The following ABCC8 variants were observed in gnomAD, a reference collection of about 807,000 sequenced individuals.
ABCC8 encodes ATP binding cassette subfamily C member 8, also known as ATP-binding cassette sub-family C member 8.
A neutral mutation model predicts 188.0 loss-of-function variants in ABCC8; 137 were observed. That is an observed-to-expected ratio of 0.73 (90% CI 0.63 to 0.84). The LOEUF (loss-of-function observed/expected upper bound fraction) is 0.84, where lower values mean the gene tolerates loss of function less well. Among genes scored for constraint, ABCC8 ranks in the 40% least tolerant of loss-of-function variants. The pLI, the probability that ABCC8 is intolerant of heterozygous loss-of-function variation, is 0.00. For synonymous variants in ABCC8, 797 were observed against 846.5 expected (o/e 0.94, Z 1.01); for missense variants, 1,750 against 2,072.7 (o/e 0.84, Z 3.02).
intron 3 of ABCC8, among the ~76,000 whole-genome samples, chr11:17,466,269 G>A (rs1848139705): frequency 6.6e-6 from 1 of 151,912 alleles, no homozygotes; most frequent in African/African-American, 2.4e-5. Flanking sequence ...CGTGGTGGCA[G>A]GTACCTATAG....
chr11:17,475,874 C>T (rs1470878596), intron 1 of ABCC8, among the ~76,000 whole-genome samples: 7 of 152,166 alleles, frequency 4.6e-5, no homozygotes, highest in Non-Finnish European at 1.0e-4. Flanking sequence ...CTGGAAGAGT[C>T]AAGGTCTTGG....
intron 6 of ABCC8, among the ~76,000 whole-genome samples, chr11:17,458,410 A>C (rs1304378600): frequency 6.6e-6 from 1 of 152,254 alleles, no homozygotes; most frequent in Non-Finnish European, 1.5e-5. Flanking sequence ...TCTCTTTGGC[A>C]CGTCCTGCCT....
intron 2 of ABCC8, among the ~76,000 whole-genome samples, chr11:17,473,375 A>C (rs1848582760): frequency 6.6e-6 from 1 of 152,128 alleles, no homozygotes. Flanking sequence ...GCTGCCTCCA[A>C]GTCAAGCAGG....
chr11:17,397,829 C>T, intron 30 of ABCC8, 32 bp from the exon 31 acceptor site: 1 of 1,611,586 alleles, frequency 6.2e-7, no homozygotes, highest in East Asian at 2.2e-5. Context: ...CCTGGGCGCT[C>T]AGGGGTTAGA....
chr11:17,393,713 G>C lies in ABCC8; in HGVS notation c.4592C>G (p.Thr1531Ser). 1 of 1,614,252 alleles carries C rather than the reference G, an allele frequency of 6.2e-7. No homozygotes were observed. The highest frequency in any genetic ancestry group is 8.5e-7 in the Non-Finnish European group (1 of 1,180,026). The change falls in exon 38 of 39, where the codon ACT becomes AGT. Residue 1531 changes from threonine to serine, a missense_variant. Transcript: ENST00000389817. ...GCCCCTTACCGCGATGGTGACCACA[G>C]TGCGGTCTGCGAAGGCTGTCATCAC... ...KVVMTAFADRTVVTIAHRVHT... is the reference protein window; with the variant it reads ...KVVMTAFADRSVVTIAHRVHT...
chr11:17,398,007 C>A (rs756962284), intron 30 of ABCC8: 9 of 580,626 alleles, frequency 1.6e-5, no homozygotes, highest in African/African-American at 6.1e-5. Flanking sequence ...TCCCCTACCC[C>A]CTAGCCCCTG....
chr11:17,460,346 TG>T, intron 6 of ABCC8, 141 bp downstream of exon 6: 1 of 1,306,264 alleles, frequency 7.7e-7, no homozygotes, highest in Non-Finnish European at 1.1e-6. Flanking sequence ...TATTCTGTGG[TG>T]GGGATACTGC....
intron 8 of ABCC8, chr11:17,444,198 C>G (rs1956434518): frequency 6.6e-6 from 1 of 152,320 alleles, no homozygotes; most frequent in African/African-American, 2.4e-5. Flanking sequence ...TGGGAAGTGG[C>G]CCCTTCACCA....
rs1378258469 is a variant in ABCC8 at position 17,461,754 on chromosome 11, G to A, written c.651C>T (p.Phe217=). 1.2e-6 allele frequency: 2 copies of A among 1,614,064 alleles called. No individual in the cohort carries two copies. Among genetic ancestry groups the A allele is most frequent in the Admixed American group, 1.7e-5 (1 of 60,006 alleles). ...ACAGCAGATTCACGAAGGGCTGCAGGAAGCGTACCCCCAGGTCTTGCAGGT... is the reference window on the plus strand; with the variant it reads ...ACAGCAGATTCACGAAGGGCTGCAGAAAGCGTACCCCCAGGTCTTGCAGGT... ...PEDLQDLGVR[F]LQPFVNLLSK... is the part of the protein sequence containing the mutation. The change falls in exon 5 of 39, where the codon TTC becomes TTT. Residue 217 remains phenylalanine, a synonymous_variant. Transcript: ENST00000389817.
intron 19 of ABCC8, among the ~76,000 whole-genome samples, chr11:17,413,861 C>A (rs1467386525): frequency 1.3e-5 from 2 of 152,146 alleles, no homozygotes; most frequent in Admixed American, 6.5e-5. Flanking sequence ...ATTTGCCCAG[C>A]CTGTTCCTCT....
At chr11:17,446,524 C>T (rs79376839) in intron 8 of ABCC8, among the ~76,000 whole-genome samples, 318 of 152,300 alleles carry the variant, frequency 2.1e-3, no homozygotes, top group African/African-American at 7.4e-3. Flanking sequence ...AGCCATCCTC[C>T]TACCTCAGCC....
intron 19 of ABCC8, 29 bp from the exon 20 acceptor site, chr11:17,413,507 C>G (rs1286332554): frequency 1.4e-5 from 22 of 1,612,926 alleles, no homozygotes; most frequent in Non-Finnish European, 1.9e-5. Context: ...GGGGATGCAG[C>G]TGGTCAGCCT....
At chr11:17,458,626 C>T (rs1245457121) in intron 6 of ABCC8, among the ~76,000 whole-genome samples, 2 of 152,182 alleles carry the variant, frequency 1.3e-5, no homozygotes, top group Non-Finnish European at 2.9e-5. Flanking sequence ...CTCCTGTAGA[C>T]AAGAGAAGCA....
At position 17,443,282 on chromosome 11, in the gene ABCC8, T is replaced by C. The variant is rs1238075497; in HGVS notation, c.1363A>G (p.Ile455Val). 5 of 1,613,844 alleles carry C rather than the reference T, an allele frequency of 3.1e-6. No homozygotes were observed. Among genetic ancestry groups the C allele is most frequent in the Admixed American group, 1.7e-5 (1 of 59,968 alleles). The stretch of plus-strand genomic sequence containing the variant: ...CCAATTAAGGCACTGACTCCGAGTA[T>C]GTAGTAGAGGAGAATCACACCCACA... Reference protein sequence around the residue: ...IIVGVILLYYILGVSALIGAA... With the variant: ...IIVGVILLYYVLGVSALIGAA... The change falls in exon 9 of 39, where the codon ATA becomes GTA. Residue 455 changes from isoleucine (I) to valine (V), a missense_variant. By Grantham distance (29) the Ile-to-Val change is conservative (BLOSUM62 3). Coordinates refer to ENST00000389817, the MANE Select transcript of ABCC8 (RefSeq NM_000352.6).
At chr11:17,398,526 C>T (rs1954063473) in intron 29 of ABCC8, 85 bp from the exon 30 acceptor site, 4 of 1,582,808 alleles carry the variant, frequency 2.5e-6, no homozygotes, top group South Asian at 1.1e-5. Flanking sequence ...AGGGAGGCTC[C>T]AGGGCCCCTC....
intron 1 of ABCC8, among the ~76,000 whole-genome samples, chr11:17,475,746 T>C (rs371643193): frequency 1.3e-5 from 2 of 152,258 alleles, no homozygotes; most frequent in Non-Finnish European, 2.9e-5. Flanking sequence ...TTTGTGACAA[T>C]CTTTCCTTTC....
intron 21 of ABCC8, among the ~76,000 whole-genome samples, chr11:17,412,017 G>C (rs4757516): frequency 0.71 from 107,888 of 150,994 alleles, 38,995 homozygotes; most frequent in East Asian, 0.88. Context: ...CTCAGCCTCC[G>C]GAGTAGCTGG....
intron 7 of ABCC8, 90 bp downstream of exon 7, chr11:17,453,029 C>T: frequency 8.4e-7 from 1 of 1,196,934 alleles, no homozygotes; most frequent in East Asian, 2.3e-5. Context: ...CAGAATTATT[C>T]TTGAGTGTCC....
At chr11:17,440,116 A>G (rs56058349) in intron 10 of ABCC8, among the ~76,000 whole-genome samples, 8,668 of 152,040 alleles carry the variant, frequency 0.057, 330 homozygotes, top group African/African-American at 0.1. Context: ...CCCCAACTTC[A>G]CTGCTTGCTG....
Sources: allele counts gnomAD v4.1 joint callset (sites outside exome capture counted in the v4.1 genomes callset), GRCh38; gene constraint gnomAD v4.1.1; transcripts MANE v1.5; gene names NCBI Gene and HGNC (gene_info 2026-07-23, HGNC 2026-07-21).